Variants in MINDY1 observed in about 807,000 individuals in gnomAD.
MINDY1 encodes the protein MINDY lysine 48 deubiquitinase 1, also known as ubiquitin carboxyl-terminal hydrolase MINDY-1.
In MINDY1, 50 loss-of-function variants were observed where a neutral mutation model predicts 53.6. That is an observed-to-expected ratio of 0.93 (90% CI 0.74 to 1.18). The LOEUF (loss-of-function observed/expected upper bound fraction) is 1.18, where lower values mean the gene tolerates loss of function less well. MINDY1 is among the 50% of genes most tolerant of loss of function. MINDY1 has a pLI of 0.00. For synonymous variants in MINDY1, 231 were observed against 234.7 expected, an observed-to-expected ratio of 0.98 and a Z score of 0.14; for missense variants, 484 against 578.6, an observed-to-expected ratio of 0.84 and a Z score of 1.68.
upstream of MINDY1, chr1:151,008,178 G>A: frequency 1.0e-6 from 1 of 978,364 alleles, no homozygotes; most frequent in Non-Finnish European, 1.3e-6. Flanking sequence ...TATATGTAAA[G>A]ATGTTATACT....
At chr1:151,001,807 T>C (rs781448566) in intron 2 of MINDY1, 25 bp from the exon 3 acceptor site, 28 of 1,575,432 alleles carry the variant, frequency 1.8e-5, no homozygotes, top group Non-Finnish European at 2.1e-5. Context: ...GGTGATCACG[T>C]GTGTGCTTTC....
intron 9 of MINDY1, 94 bp downstream of exon 9, chr1:150,997,530 C>G (rs746035331): frequency 1.3e-6 from 2 of 1,592,302 alleles, no homozygotes; most frequent in Non-Finnish European, 1.7e-6. Context: ...AGAGAAGAAA[C>G]CTTGAAGAGA....
chr1:150,999,722 C>A lies in MINDY1; in HGVS notation c.838+140G>T. The A allele has an allele frequency of 1.0e-6, 1 of 975,126 alleles. No individual in the cohort carries two copies. Among genetic ancestry groups the A allele is most frequent in the East Asian group, 2.6e-5 (1 of 38,338 alleles). The allele number at this position is 975,126 out of a possible 1,614,324, so 60.4% of individuals were successfully genotyped here. A position where few individuals can be genotyped will look rare whatever the true frequency, so the allele number is the denominator to read the frequency against. On this transcript the variant is annotated intron_variant, in intron 6 of 9. Transcript: ENST00000683666. This position sits in a 1 kb window ranked among gnomAD's most constrained non-coding sequence, Gnocchi z 4.4. The stretch of plus-strand genomic sequence containing the variant: ...CAGGCACTGGGGATACCTCAATGAA[C>A]TAAACAGAAATTCCCCAAGCTCCTT...
intron 3 of MINDY1, 143 bp from the exon 4 acceptor site, chr1:151,001,457 AT>A (rs1571725774): frequency 9.5e-7 from 1 of 1,048,108 alleles, no homozygotes. Flanking sequence ...CAGACTCTTC[AT>A]TTCTCAGAGG....
In MINDY1 at chr1:151,002,383, C is replaced by T; in HGVS notation, c.235G>A (p.Gly79Arg). Residue 79 changes from glycine to arginine, a missense_variant, in exon 2 of 10, where the codon GGG (glycine) becomes AGG (arginine). Coordinates refer to ENST00000683666, the MANE Select transcript of MINDY1 (RefSeq NM_001376665.1). The surrounding 1 kb of genome is among the most constrained non-coding windows in gnomAD (Gnocchi z 4.1). ...PLPEASSAPP[G>R]PTLGTLPEVE... Reference sequence around the variant, plus strand: ...TCAGGCAGTGTCCCAAGGGTTGGCCCCGGTGGAGCTGAGCTAGCTTCAGGC... The same window carrying T: ...TCAGGCAGTGTCCCAAGGGTTGGCCTCGGTGGAGCTGAGCTAGCTTCAGGC... The T allele has an allele frequency of 1.9e-6, 3 of 1,614,158 alleles. No homozygotes were observed. Among genetic ancestry groups the T allele is most frequent in the Non-Finnish European group, 1.7e-6 (2 of 1,180,020 alleles).
Position 151,006,362 on chromosome 1 carries a change from G to T in MINDY1, c.-140C>A. 1 of 1,392,960 alleles carries T rather than the reference G, an allele frequency of 7.2e-7. No individual in the cohort carries two copies. Among genetic ancestry groups the T allele is most frequent in the Non-Finnish European group, 9.3e-7 (1 of 1,073,730 alleles). The allele number at this position is 1,392,960 out of a possible 1,614,324, so 86.3% of individuals were successfully genotyped here. A position where few individuals can be genotyped will look rare whatever the true frequency, so the allele number is the denominator to read the frequency against. On this transcript the variant is annotated 5_prime_UTR_variant, in exon 1 of 10. Coordinates refer to ENST00000683666, the MANE Select transcript of MINDY1 (RefSeq NM_001376665.1). The stretch of plus-strand genomic sequence containing the variant: ...GATTGAGAAGGAGGGTTCAGCCGTG[G>T]CAATGAGATGGGGGAGATAGGTGCA...
upstream of MINDY1, chr1:151,008,370 C>T: frequency 7.9e-7 from 1 of 1,261,566 alleles, no homozygotes; most frequent in Non-Finnish European, 1.0e-6. Context: ...TTGGCCTCGC[C>T]GGAAAGACGT....
chr1:151,002,574 C>T lies in MINDY1; in HGVS notation c.44G>A (p.Gly15Glu). Residue 15 changes from glycine (G) to glutamate (E), a missense_variant, in exon 2 of 10, where the codon GGG (glycine) becomes GAG (glutamate). Gly to Glu is a moderately conservative substitution (Grantham distance 98). Coordinates refer to ENST00000683666, the MANE Select transcript of MINDY1 (RefSeq NM_001376665.1). This position sits in a 1 kb window ranked among gnomAD's most constrained non-coding sequence, Gnocchi z 4.1. ...QPEDPAPGKA[G>E]TAEAVIPENH... The stretch of plus-strand genomic sequence containing the variant: ...TTCAGGGATGACTGCTTCTGCAGTC[C>T]CGGCCTTACCAGGGGCTGGATCCTC... The T allele has an allele frequency of 6.2e-7, 1 of 1,614,174 alleles. No individual in the cohort carries two copies. Among genetic ancestry groups the T allele is most frequent in the South Asian group, 1.1e-5 (1 of 91,086 alleles).
At position 151,006,693 on chromosome 1, in the gene MINDY1, C is replaced by T. The variant is rs1385448731; in HGVS notation, c.-471G>A. On this transcript the variant is annotated 5_prime_UTR_variant, in exon 1 of 10. Coordinates refer to ENST00000683666, the MANE Select transcript of MINDY1 (RefSeq NM_001376665.1). ...TTTTCTTCTCTCTCTCTTTTTTGTT[C>T]TCATCAGGACGAAGAAAAATTAGGC... The T allele has an allele frequency of 3.0e-6, 3 of 985,356 alleles. No individual in the cohort carries two copies. In the African/African-American group the frequency reaches 5.2e-5, roughly 17 times the overall value. The allele number at this position is 985,356 out of a possible 1,614,324, so 61.0% of individuals were successfully genotyped here.
chr1:150,997,937 A>C (rs1230157328), intron 8 of MINDY1, 145 bp downstream of exon 8: 1 of 1,141,500 alleles, frequency 8.8e-7, no homozygotes, highest in African/African-American at 1.5e-5. Flanking sequence ...GGTGCCAGAG[A>C]ATACACACCA....
At chr1:151,008,225 T>G (rs1281392442), upstream of MINDY1, 1 of 1,123,096 alleles carries the variant, frequency 8.9e-7, no homozygotes. Context: ...GATGCCACAA[T>G]AATGGGTTAC....
chr1:151,007,563 C>T (rs751584022), upstream of MINDY1, among the ~76,000 whole-genome samples: 1 of 152,148 alleles, frequency 6.6e-6, no homozygotes, highest in Non-Finnish European at 1.5e-5. Flanking sequence ...CACGCCTGTG[C>T]TCTGGATCTT....
chr1:150,997,834 G>C, intron 8 of MINDY1, 55 bp from the exon 9 acceptor site: 1 of 1,545,402 alleles, frequency 6.5e-7, no homozygotes, highest in Non-Finnish European at 8.8e-7. Flanking sequence ...TGGCTATTCA[G>C]GCAAGGTTTC....
In MINDY1 at chr1:150,999,926, G is replaced by A. The variant is rs373167000; in HGVS notation, c.774C>T (p.Tyr258=). The stretch of plus-strand genomic sequence containing the variant: ...TGATGATCCTCTCCACCAGCTGGTT[G>A]TAACTCAGTTTCCCAACTGCACGCA... ...EAVRAVGKLS[Y]NQLVERIITC... is the part of the protein sequence containing the mutation. Residue 258 remains tyrosine, a synonymous_variant, in exon 6 of 10, where the codon TAC becomes TAT. Transcript: ENST00000683666. The surrounding 1 kb of genome is among the most constrained non-coding windows in gnomAD (Gnocchi z 4.4). 6.2e-7 allele frequency: 1 copy of A among 1,613,948 alleles called. No individual in the cohort carries two copies. The highest frequency in any genetic ancestry group is 1.1e-5 in the South Asian group (1 of 91,096).
At chr1:151,008,243 C>A, upstream of MINDY1, 1 of 1,170,250 alleles carries the variant, frequency 8.5e-7, no homozygotes, top group Non-Finnish European at 1.1e-6. Flanking sequence ...TACTGTGACA[C>A]ATACACATTT....
In MINDY1 at chr1:151,000,572, C is replaced by T; in HGVS notation, c.620G>A (p.Gly207Asp). The T allele has an allele frequency of 1.2e-6, 2 of 1,614,030 alleles. No homozygotes were observed. Among genetic ancestry groups the T allele is most frequent in the Non-Finnish European group, 1.7e-6 (2 of 1,180,004 alleles). Residue 207 changes from glycine (G) to aspartate (D), a missense_variant, in exon 5 of 10, where the codon GGT becomes GAT. Gly to Asp is a moderately conservative substitution (Grantham distance 94). Transcript: ENST00000683666. ...TGTGAATCGCACATTGACATCCAGA[C>T]CTGTGGCCAGTTTAGGCAGCACTGT... Reference protein sequence around the residue: ...AMTVLPKLATGLDVNVRFTGV... With the variant: ...AMTVLPKLATDLDVNVRFTGV...
Position 151,000,548 on chromosome 1 carries a change from G to A in MINDY1, c.644C>T (p.Thr215Ile). Residue 215 changes from threonine (T) to isoleucine (I), a missense_variant, in exon 5 of 10, where the codon ACA becomes ATA. By Grantham distance (89) the Thr-to-Ile change is moderately conservative. Transcript: ENST00000683666. ...TGTATACTCAAAATCAGAGACGCCT[G>A]TGAATCGCACATTGACATCCAGACC... ...ATGLDVNVRF[T>I]GVSDFEYTPE... 1.2e-6 allele frequency: 2 copies of A among 1,614,114 alleles called. No individual in the cohort carries two copies. Among genetic ancestry groups the A allele is most frequent in the Middle Eastern group, 1.6e-4 (1 of 6,062 alleles).
chr1:151,006,957 A>T (rs772093690), upstream of MINDY1: 832 of 938,686 alleles, frequency 8.9e-4, 1 homozygote, highest in Non-Finnish European at 9.2e-4. Flanking sequence ...GAAGGGCTGG[A>T]CAGAAGCAGC....
rs1481339501 is a variant in MINDY1 at position 150,997,276 on chromosome 1, C to T, written c.*11G>A. The T allele has an allele frequency of 6.3e-7, 1 of 1,579,382 alleles. No homozygotes were observed. The highest frequency in any genetic ancestry group is 8.6e-7 in the Non-Finnish European group (1 of 1,160,544). On this transcript the variant is annotated 3_prime_UTR_variant, in exon 10 of 10. Coordinates refer to ENST00000683666, the MANE Select transcript of MINDY1 (RefSeq NM_001376665.1). ...GAAGAAGGGGCAGGCCAGCCTGGCA[C>T]TGGGGCAGAGCTACAGCAGAATGCA...
Sources: allele counts gnomAD v4.1 joint callset (sites outside exome capture counted in the v4.1 genomes callset), GRCh38; gene constraint gnomAD v4.1.1; non-coding constraint Gnocchi (gnomAD v3.1); transcripts MANE v1.5; gene names NCBI Gene and HGNC (gene_info 2026-07-23, HGNC 2026-07-21).